The following ZFPM1 variants were observed in gnomAD, a reference collection of about 807,000 sequenced individuals.
ZFPM1 encodes zinc finger protein, FOG family member 1.
Under a neutral mutation model 46.3 loss-of-function variants are expected in ZFPM1, and 28 were observed. The observed-to-expected ratio is 0.60, with a 90% CI of 0.45 to 0.83. The LOEUF is 0.83. Ranked by LOEUF, ZFPM1 falls within the 40% of genes least tolerant of loss-of-function variation. The pLI is 0.00. For missense variants in ZFPM1, 1,878 were observed against 1,432.4 expected (o/e 1.31, Z -5.02); for synonymous variants, 957 against 675.9 (o/e 1.42, Z -6.45).
chr16:88,460,440 A>G (rs1907765833), intron 1 of ZFPM1, among the ~76,000 whole-genome samples: 1 of 152,154 alleles, frequency 6.6e-6, no homozygotes, highest in African/African-American at 2.4e-5. Context: ...CGGTTGGTTC[A>G]ATGGGCATAC....
chr16:88,532,610 C>G lies in ZFPM1; in HGVS notation c.947-4C>G, dbSNP rs745508982. 9.0e-6 allele frequency: 14 copies of G among 1,561,488 alleles called. No homozygotes were observed. Among genetic ancestry groups the G allele is most frequent in the Non-Finnish European group, 1.2e-5 (14 of 1,152,632 alleles). On this transcript the variant is annotated splice_polypyrimidine_tract_variant and splice_region_variant and intron_variant, in intron 7 of 9. Coordinates refer to ENST00000319555, the MANE Select transcript of ZFPM1 (RefSeq NM_153813.3). ...GCACCGCTCTTACGCGCCCTGTGTT[C>G]CAGGAGAGCGGCCCTTCGTGTGCCT...
rs1477128454 is a variant in ZFPM1 at position 88,486,027 on chromosome 16, G to C, written c.129G>C (p.Pro43=). 1 of 1,612,132 alleles carries C rather than the reference G, an allele frequency of 6.2e-7. No homozygotes were observed. The change falls in exon 2 of 10, where the codon CCG becomes CCC. Residue 43 remains proline, a synonymous_variant. Coordinates refer to ENST00000319555, the MANE Select transcript of ZFPM1 (RefSeq NM_153813.3). ...MEQKATAPEA[P]SPPSADVNSP... is the part of the protein sequence containing the mutation. ...AAAAGGCCACGGCACCTGAAGCCCC[G>C]AGCCCTCCCAGCGCAGGTGAGTCAG...
At position 88,482,527 on chromosome 16, in the gene ZFPM1, C is replaced by T. The variant is rs148778825; in HGVS notation, c.41-3412C>T. ...TTGTTCTTGTGTAAATAGGAGAACC[C>T]ATCACCATCCCAGCACCTCCCTGGG... On this transcript the variant is annotated intron_variant, in intron 1 of 9. Coordinates refer to ENST00000319555, the MANE Select transcript of ZFPM1 (RefSeq NM_153813.3). Among the ~76,000 whole-genome samples, 35 of 152,280 alleles carry T rather than the reference C, an allele frequency of 2.3e-4. No homozygotes were observed. The East Asian group carries it at 6.6e-3, about 29-fold the overall frequency.
At chr16:88,516,050 C>T (rs1911275330) in intron 4 of ZFPM1, 6 of 398,286 alleles carry the variant, frequency 1.5e-5, no homozygotes, top group South Asian at 2.6e-4. Context: ...ACACACCACA[C>T]GCCCATCCTC....
intron 4 of ZFPM1, among the ~76,000 whole-genome samples, chr16:88,517,740 G>A (rs916989530): frequency 7.6e-6 from 1 of 131,160 alleles, no homozygotes; most frequent in Admixed American, 7.6e-5. Context: ...ATGGATGAAT[G>A]AATGGGTGGG....
At chr16:88,473,129 G>C (rs1349298081) in intron 1 of ZFPM1, among the ~76,000 whole-genome samples, 1 of 152,276 alleles carries the variant, frequency 6.6e-6, no homozygotes, top group African/African-American at 2.4e-5. Context: ...CCTGGAACGA[G>C]GAAAAGGCTG....
chr16:88,532,947 T>C lies in ZFPM1; in HGVS notation c.1189+12T>C. The C allele has an allele frequency of 6.2e-7, 1 of 1,612,660 alleles. No homozygotes were observed. The highest frequency in any genetic ancestry group is 8.5e-7 in the Non-Finnish European group (1 of 1,179,858). ...CAAGCTGCCCCCAGGTGAGCAGCCC[T>C]GTGGGGGCCACCCCTGCCCCTTAGG... On this transcript the variant is annotated intron_variant, in intron 9 of 9. Transcript: ENST00000319555.
intron 3 of ZFPM1, among the ~76,000 whole-genome samples, chr16:88,495,915 G>C (rs1405151405): frequency 2.6e-5 from 4 of 152,056 alleles, no homozygotes; most frequent in African/African-American, 9.7e-5. Flanking sequence ...GAGCACAGGG[G>C]TCCGCCTGTG....
chr16:88,475,519 G>GC (rs1162120770), intron 1 of ZFPM1, among the ~76,000 whole-genome samples: 2 of 150,548 alleles, frequency 1.3e-5, no homozygotes, highest in Non-Finnish European at 1.5e-5. Context: ...GGTCCGGGGG[G>GC]GGGAGCACAG....
At chr16:88,496,266 C>T (rs533876545) in intron 3 of ZFPM1, among the ~76,000 whole-genome samples, 12 of 152,144 alleles carry the variant, frequency 7.9e-5, no homozygotes, top group East Asian at 5.8e-4. Flanking sequence ...GTGACAGCGG[C>T]GGGGCTGGCT....
At position 88,516,800 on chromosome 16, in the gene ZFPM1, G is replaced by A. The variant is rs1911328346; in HGVS notation, c.402+2280G>A. 2.0e-5 allele frequency among the ~76,000 whole-genome samples: 3 copies of A among 152,150 alleles called. 1 individual carries two copies. In the South Asian group the frequency reaches 6.2e-4, roughly 32 times the overall value. ...TGCCAGTTTTTCTTCTCTCTTTGTA[G>A]AAGGAGAAGGGGGAGGGGTGCAGAT... On this transcript the variant is annotated intron_variant, in intron 4 of 9. Coordinates refer to ENST00000319555, the MANE Select transcript of ZFPM1 (RefSeq NM_153813.3).
Position 88,528,356 on chromosome 16 carries a change from G to C in ZFPM1, c.712+118G>C, listed in dbSNP as rs535141568. 9.3e-6 allele frequency: 11 copies of C among 1,181,250 alleles called. No homozygotes were observed. In the African/African-American group the frequency reaches 1.5e-4, roughly 16 times the overall value. 73.2% of individuals were successfully genotyped at this position (1,181,250 alleles called of 1,614,324 possible). The stretch of plus-strand genomic sequence containing the variant: ...GGGGGCTGCAGGCTGCCGACAGAGT[G>C]AGAGGTAAGGCAGGGAAGGAGGTGA... On this transcript the variant is annotated intron_variant, in intron 6 of 9. Coordinates refer to ENST00000319555, the MANE Select transcript of ZFPM1 (RefSeq NM_153813.3).
rs1912823251 is a variant in ZFPM1, at chr16:88,532,043, A to G, written c.754A>G (p.Ser252Gly). 3.1e-6 allele frequency: 5 copies of G among 1,611,912 alleles called. No individual in the cohort carries two copies. Among genetic ancestry groups the G allele is most frequent in the South Asian group, 1.1e-5 (1 of 90,962 alleles). ...PCKDCGIWYR[S>G]ERNLQAHLLY... Reference sequence around the variant, plus strand: ...CAAGGACTGTGGCATCTGGTACCGCAGCGAGCGCAACCTGCAGGCGCACCT... The same window carrying G: ...CAAGGACTGTGGCATCTGGTACCGCGGCGAGCGCAACCTGCAGGCGCACCT... Residue 252 changes from serine to glycine, a missense_variant, in exon 7 of 10, where the codon AGC (serine) becomes GGC (glycine). Transcript: ENST00000319555.
At chr16:88,495,511 T>G (rs932001954) in intron 3 of ZFPM1, among the ~76,000 whole-genome samples, 11 of 152,338 alleles carry the variant, frequency 7.2e-5, no homozygotes, top group Non-Finnish European at 1.5e-4. Context: ...GTGCCTGGTC[T>G]GCTGGGTGGG....
In ZFPM1 at chr16:88,534,621, C is replaced by T. The variant is rs1435715490; in HGVS notation, c.2663C>T (p.Pro888Leu). 2.7e-6 allele frequency: 3 copies of T among 1,125,052 alleles called. No individual in the cohort carries two copies. The highest frequency in any genetic ancestry group is 3.3e-6 in the Non-Finnish European group (3 of 920,830). 69.7% of individuals were successfully genotyped at this position (1,125,052 alleles called of 1,614,324 possible). Reference sequence around the variant, plus strand: ...CTGCTCGGCGCGCCCCTGGCCGGCCCGGGGGTCGAGGCCCGGACGCCGGCC... The same window carrying T: ...CTGCTCGGCGCGCCCCTGGCCGGCCTGGGGGTCGAGGCCCGGACGCCGGCC... ...GLLLGAPLAGPGVEARTPADR... is the reference protein window; with the variant it reads ...GLLLGAPLAGLGVEARTPADR... Residue 888 changes from proline to leucine, a missense_variant, in exon 10 of 10, where the codon CCG becomes CTG. Coordinates refer to ENST00000319555, the MANE Select transcript of ZFPM1 (RefSeq NM_153813.3).
chr16:88,489,039 T>G lies in ZFPM1; in HGVS notation c.154T>G (p.Ser52Ala). 6.2e-7 allele frequency: 1 copy of G among 1,612,398 alleles called. No individual in the cohort carries two copies. ...TGTTTTCCTCTCTGCAGATGTTAAC[T>G]CACCCCCACCGCTGCCGCCCCCCAC... is the stretch of plus-strand genomic sequence containing the variant. ...APSPPSADVNSPPPLPPPTSP... is the reference protein window; with the variant it reads ...APSPPSADVNAPPPLPPPTSP... Residue 52 changes from serine (S) to alanine (A), a missense_variant, in exon 3 of 10, where the codon TCA (serine) becomes GCA (alanine). Physicochemically the swap from Ser to Ala is moderately conservative, Grantham distance 99. Transcript: ENST00000319555.
intron 3 of ZFPM1, among the ~76,000 whole-genome samples, chr16:88,502,619 C>G (rs1292937864): frequency 1.3e-5 from 2 of 152,200 alleles, no homozygotes; most frequent in East Asian, 1.9e-4. Flanking sequence ...GGTGACCCCC[C>G]CTAGCCGAGG....
chr16:88,492,500 C>A (rs1909635730), intron 3 of ZFPM1, among the ~76,000 whole-genome samples: 1 of 152,230 alleles, frequency 6.6e-6, no homozygotes, highest in Non-Finnish European at 1.5e-5. Flanking sequence ...GGCCCTGAGT[C>A]TGTTTCCCAT....
chr16:88,468,567 C>T (rs1335042419), intron 1 of ZFPM1, among the ~76,000 whole-genome samples: 2 of 151,954 alleles, frequency 1.3e-5, no homozygotes, highest in African/African-American at 2.4e-5. Context: ...AGGGAGCCTT[C>T]GAGGAAAGGG....
Sources: allele counts gnomAD v4.1 joint callset (sites outside exome capture counted in the v4.1 genomes callset), GRCh38; gene constraint gnomAD v4.1.1; transcripts MANE v1.5; gene names NCBI Gene and HGNC (gene_info 2026-07-23, HGNC 2026-07-21).